Variants in TPO observed in about 807,000 individuals in gnomAD.
The protein encoded by TPO is thyroid peroxidase.
In TPO, 78 loss-of-function variants were observed where a neutral mutation model predicts 96.9. The observed-to-expected ratio is 0.81, with a 90% CI of 0.67 to 0.97. TPO has a LOEUF of 0.97. TPO is among the 50% of genes least tolerant of loss of function. TPO has a pLI of 0.00. For missense variants in TPO, 1,252 were observed against 1,274.8 expected (o/e 0.98, Z 0.27); for synonymous variants, 547 against 538.0 (o/e 1.02, Z -0.23).
At chr2:1,541,278 G>A in intron 16 of TPO, 1 of 933,754 alleles carries the variant, frequency 1.1e-6, no homozygotes, top group Non-Finnish European at 1.3e-6. Flanking sequence ...TCAGGCAGGA[G>A]GAGGGCGCCT....
chr2:1,407,821 A>G lies in TPO; in HGVS notation n.180+33419A>G, dbSNP rs183158211. Among the ~76,000 whole-genome samples the G allele has an allele frequency of 3.9e-3, 598 of 152,352 alleles. 10 individuals carry two copies. Among genetic ancestry groups the G allele is most frequent in the African/African-American group, 0.014 (567 of 41,588 alleles). On this transcript the variant is annotated intron_variant and non_coding_transcript_variant, in intron 1 of 5. Coordinates refer to the TPO transcript ENST00000497517. The stretch of plus-strand genomic sequence containing the variant: ...TTACATCAAGGAAGATTCCATTTCT[A>G]TGAAACCCACATCTTCAAGATTACA...
chr2:1,534,665 C>T (rs1679145931), intron 15 of TPO, among the ~76,000 whole-genome samples: 1 of 2,292 alleles, frequency 4.4e-4, no homozygotes, highest in African/African-American at 1.5e-3. Flanking sequence ...CCCCAAATAC[C>T]CCCCCCACTC....
chr2:1,392,349 G>A (rs566028915), intron 1 of TPO, among the ~76,000 whole-genome samples: 4 of 152,348 alleles, frequency 2.6e-5, no homozygotes, highest in South Asian at 4.1e-4. Flanking sequence ...TCCCAGGGAT[G>A]AAGCCAACCT....
intron 10 of TPO, among the ~76,000 whole-genome samples, chr2:1,489,332 G>C (rs147931599): frequency 6.6e-6 from 1 of 151,954 alleles, no homozygotes; most frequent in African/African-American, 2.4e-5. Flanking sequence ...CACACACCTT[G>C]CCTCTGGCTG....
chr2:1,523,159 C>T (rs926016418), intron 15 of TPO, among the ~76,000 whole-genome samples: 6 of 149,182 alleles, frequency 4.0e-5, no homozygotes, highest in African/African-American at 1.2e-4. Context: ...CCCAAAATCC[C>T]CCACACTGTG....
intron 5 of TPO, among the ~76,000 whole-genome samples, chr2:1,438,527 G>A (rs1299335461): frequency 6.6e-6 from 1 of 152,098 alleles, no homozygotes; most frequent in Non-Finnish European, 1.5e-5. Flanking sequence ...GACCTCAGGT[G>A]CATTCTGATG....
intron 7 of TPO, 131 bp from the exon 8 acceptor site, chr2:1,476,955 G>C (rs1670003802): frequency 8.5e-7 from 1 of 1,181,046 alleles, no homozygotes; most frequent in East Asian, 2.6e-5. Flanking sequence ...TGGCTGGACT[G>C]ACCCCTACAG....
chr2:1,376,909 A>T (rs552481326), intron 1 of TPO, among the ~76,000 whole-genome samples: 1 of 152,334 alleles, frequency 6.6e-6, no homozygotes, highest in African/African-American at 2.4e-5. Context: ...CTGGCAGGAT[A>T]ACAATGATAT....
chr2:1,440,065 T>C (rs1294297525), intron 5 of TPO, among the ~76,000 whole-genome samples: 2 of 152,236 alleles, frequency 1.3e-5, no homozygotes, highest in Non-Finnish European at 2.9e-5. Flanking sequence ...CATCCTTGTC[T>C]GGGCTGGTGC....
chr2:1,516,790 C>T, intron 14 of TPO, 93 bp from the exon 15 acceptor site: 3 of 1,203,856 alleles, frequency 2.5e-6, no homozygotes, highest in Non-Finnish European at 3.7e-6. Context: ...GGCCACTGGC[C>T]CAGGACAGGG....
chr2:1,424,376 A>T (rs1279525269), intron 3 of TPO, among the ~76,000 whole-genome samples: 1 of 152,128 alleles, frequency 6.6e-6, no homozygotes, highest in East Asian at 1.9e-4. Context: ...GTTGATGTTG[A>T]TGCTGGAGGG....
intron 8 of TPO, among the ~76,000 whole-genome samples, chr2:1,481,781 T>A (rs1442706370): frequency 1.3e-5 from 2 of 152,218 alleles, no homozygotes; most frequent in African/African-American, 4.8e-5. Context: ...GGCCCCTTTA[T>A]CTGCAGGGCC....
intron 16 of TPO, 161 bp from the exon 17 acceptor site, chr2:1,542,260 A>G (rs1275315396): frequency 1.0e-6 from 1 of 999,688 alleles, no homozygotes; most frequent in African/African-American, 1.6e-5. Context: ...GAAGCCAGAA[A>G]CTTCCCTCCA....
intron 15 of TPO, among the ~76,000 whole-genome samples, chr2:1,522,622 C>G (rs967329584): frequency 1.3e-5 from 2 of 152,118 alleles, no homozygotes; most frequent in Non-Finnish European, 2.9e-5. Flanking sequence ...GCCTCAATCT[C>G]TCCATAGAAT....
At chr2:1,467,044 C>A (rs958412513) in intron 7 of TPO, among the ~76,000 whole-genome samples, 1 of 152,046 alleles carries the variant, frequency 6.6e-6, no homozygotes, top group Non-Finnish European at 1.5e-5. Flanking sequence ...CCTCTTAGCA[C>A]CGCCTTTGCT....
At position 1,481,307 on chromosome 2, in the gene TPO, G is replaced by A. The variant is rs115130092; in HGVS notation, c.1339-3289G>A. 8.3e-3 allele frequency among the ~76,000 whole-genome samples: 1,271 copies of A among 152,328 alleles called. 26 individuals carry two copies. Among genetic ancestry groups the A allele is most frequent in the African/African-American group, 0.029 (1,194 of 41,578 alleles). On this transcript the variant is annotated intron_variant, in intron 8 of 16. Coordinates refer to ENST00000329066, the MANE Select transcript of TPO (RefSeq NM_001206744.2). ...TCCCAGCACAGGTGTGAGGGAGGCA[G>A]AGAGGAGGTAGCCATCCTCGGGGAG... is the stretch of plus-strand genomic sequence containing the variant.
At chr2:1,454,415 AG>A (rs1667599659) in intron 6 of TPO, among the ~76,000 whole-genome samples, 1 of 152,244 alleles carries the variant, frequency 6.6e-6, no homozygotes, top group Non-Finnish European at 1.5e-5. Flanking sequence ...GGTGGGACTC[AG>A]GTCTGACTCA....
At chr2:1,426,891 T>C (rs893239011) in intron 3 of TPO, among the ~76,000 whole-genome samples, 1 of 152,008 alleles carries the variant, frequency 6.6e-6, no homozygotes. Flanking sequence ...AAAACTAGAG[T>C]GTGCCTAAAT....
chr2:1,540,476 GGA>G, intron 15 of TPO, 116 bp from the exon 16 acceptor site: 1 of 1,594,646 alleles, frequency 6.3e-7, no homozygotes, highest in Non-Finnish European at 8.5e-7. Context: ...AAAGTGGGTT[GGA>G]GTGTTCCTGC....
Sources: allele counts gnomAD v4.1 joint callset (sites outside exome capture counted in the v4.1 genomes callset), GRCh38; gene constraint gnomAD v4.1.1; transcripts MANE v1.5; gene names NCBI Gene and HGNC (gene_info 2026-07-23, HGNC 2026-07-21).